The following NCAM2 variants were observed in gnomAD, a reference collection of about 807,000 sequenced individuals.
The protein encoded by NCAM2 is neural cell adhesion molecule 2.
In NCAM2, 30 loss-of-function variants were observed where a neutral mutation model predicts 98.1. That is an observed-to-expected ratio of 0.31 (90% CI 0.23 to 0.41). The LOEUF (loss-of-function observed/expected upper bound fraction) is 0.41, where lower values mean the gene tolerates loss of function less well. Among genes scored for constraint, NCAM2 ranks in the 10% least tolerant of loss-of-function variants. The probability of loss-of-function intolerance (pLI) is 1.00; values close to 1 mark genes in which losing one functional copy is unlikely to be tolerated. For missense variants in NCAM2, 867 were observed against 1,005.8 expected, an observed-to-expected ratio of 0.86 and a Z score of 1.87; for synonymous variants, 368 against 342.4, an observed-to-expected ratio of 1.07 and a Z score of -0.83.
chr21:21,064,000 T>G (rs1188676731), intron 1 of NCAM2, among the ~76,000 whole-genome samples: 2 of 152,160 alleles, frequency 1.3e-5, no homozygotes, highest in African/African-American at 4.8e-5. Context: ...AGGAAGTGGC[T>G]TGTTGTCTTA....
At chr21:21,227,296 C>T (rs1262243013) in intron 1 of NCAM2, among the ~76,000 whole-genome samples, 1 of 151,756 alleles carries the variant, frequency 6.6e-6, no homozygotes, top group Non-Finnish European at 1.5e-5. Context: ...TCACCTAGAT[C>T]ACTGAATCCA....
At chr21:21,031,409 G>A (rs2064679117) in intron 1 of NCAM2, among the ~76,000 whole-genome samples, 1 of 152,146 alleles carries the variant, frequency 6.6e-6, no homozygotes, top group Admixed American at 6.5e-5. Flanking sequence ...CTGCTACTTG[G>A]TTCACTGGAC....
At chr21:21,366,362 A>G (rs1224130897) in intron 8 of NCAM2, among the ~76,000 whole-genome samples, 2 of 152,088 alleles carry the variant, frequency 1.3e-5, no homozygotes, top group Non-Finnish European at 2.9e-5. Context: ...TATACTGCTT[A>G]GGCACTGGGT....
intron 5 of NCAM2, among the ~76,000 whole-genome samples, chr21:21,316,206 T>C (rs2074215312): frequency 2.6e-5 from 4 of 152,158 alleles, no homozygotes; most frequent in Non-Finnish European, 5.9e-5. Context: ...TTCCAATTAT[T>C]TCTTTCTGGC....
At chr21:21,425,886 C>G (rs2077204964) in intron 11 of NCAM2, among the ~76,000 whole-genome samples, 1 of 152,062 alleles carries the variant, frequency 6.6e-6, no homozygotes, top group Non-Finnish European at 1.5e-5. Flanking sequence ...GATGCTATAG[C>G]AAAATATATT....
At chr21:21,446,740 A>G (rs903847272) in intron 12 of NCAM2, among the ~76,000 whole-genome samples, 5 of 152,084 alleles carry the variant, frequency 3.3e-5, no homozygotes, top group Admixed American at 3.3e-4. Context: ...AGTCACATAT[A>G]TTCCTTTACA....
At chr21:21,229,410 A>G (rs913362773) in intron 1 of NCAM2, among the ~76,000 whole-genome samples, 2 of 151,540 alleles carry the variant, frequency 1.3e-5, no homozygotes, top group African/African-American at 4.8e-5. Context: ...ATGTCACTTT[A>G]ACAACTTATA....
At chr21:21,359,872 G>C (rs1360988281) in intron 8 of NCAM2, among the ~76,000 whole-genome samples, 1 of 151,848 alleles carries the variant, frequency 6.6e-6, no homozygotes, top group Non-Finnish European at 1.5e-5. Flanking sequence ...AATGTAATTT[G>C]AGTTAGGTAT....
At chr21:21,087,779 C>T (rs1392765239) in intron 1 of NCAM2, among the ~76,000 whole-genome samples, 1 of 152,052 alleles carries the variant, frequency 6.6e-6, no homozygotes, top group East Asian at 1.9e-4. Context: ...TCAGACCAGT[C>T]TTCTGTTTGG....
Position 21,390,210 on chromosome 21 carries a change from G to A in NCAM2, c.1195+16197G>A, listed in dbSNP as rs529934023. On this transcript the variant is annotated intron_variant, in intron 9 of 17. Transcript: ENST00000400546. ...TATACCACTGTAAATATATTGGCTT[G>A]CATTATGTTATTACAATTAATTTGA... Among the ~76,000 whole-genome samples, 278 of 152,088 alleles carry A rather than the reference G, an allele frequency of 1.8e-3. 2 individuals are homozygous for A. The highest frequency in any genetic ancestry group is 6.5e-3 in the African/African-American group (271 of 41,484).
At chr21:21,330,746 A>T (rs4818613) in intron 6 of NCAM2, among the ~76,000 whole-genome samples, 86,104 of 151,822 alleles carry the variant, frequency 0.57, 24,638 homozygotes, top group Admixed American at 0.65. Context: ...TTAAACATTT[A>T]TTCACGTAGA....
intron 1 of NCAM2, among the ~76,000 whole-genome samples, chr21:21,120,686 TA>T (rs967734430): frequency 1.3e-5 from 2 of 150,880 alleles, no homozygotes; most frequent in Admixed American, 6.6e-5. Flanking sequence ...AATTAAAGTT[TA>T]AAAAAATTGA....
At chr21:21,308,988 C>T (rs1438666031) in intron 5 of NCAM2, among the ~76,000 whole-genome samples, 1 of 152,002 alleles carries the variant, frequency 6.6e-6, no homozygotes, top group Non-Finnish European at 1.5e-5. Flanking sequence ...TATGTAGACA[C>T]ATGATTTTTA....
chr21:21,181,170 A>G (rs2068455678), intron 1 of NCAM2, among the ~76,000 whole-genome samples: 1 of 152,062 alleles, frequency 6.6e-6, no homozygotes, highest in Non-Finnish European at 1.5e-5. Flanking sequence ...ATATTTTTCC[A>G]TTGTCTTGAG....
intron 12 of NCAM2, among the ~76,000 whole-genome samples, chr21:21,452,159 G>A (rs1265132438): frequency 7.7e-6 from 1 of 129,318 alleles, no homozygotes; most frequent in African/African-American, 3.0e-5. Flanking sequence ...ATTTATAAAT[G>A]TGAACTGACC....
intron 16 of NCAM2, among the ~76,000 whole-genome samples, chr21:21,526,846 G>A (rs1271804142): frequency 1.3e-5 from 2 of 152,020 alleles, no homozygotes; most frequent in East Asian, 3.9e-4. Flanking sequence ...AAACTGACAT[G>A]TCACACATAG....
In NCAM2 at chr21:21,432,268, C is replaced by T; in HGVS notation, c.1641C>T (p.Ser547=). 6.2e-7 allele frequency: 1 copy of T among 1,613,536 alleles called. No homozygotes were observed. Among genetic ancestry groups the T allele is most frequent in the Non-Finnish European group, 8.5e-7 (1 of 1,179,652 alleles). ...CAGAAATCTGGAAAATTGTACGCTC[C>T]CATGGAGTTCAAAGTGAGTCAACAA... ...VASEIWKIVR[S]HGVQTMVVLN... is the part of the protein sequence containing the mutation. The change falls in exon 12 of 18, where the codon TCC becomes TCT. Residue 547 remains serine (S), a synonymous_variant. Transcript: ENST00000400546.
chr21:21,423,204 G>T (rs961709685), intron 11 of NCAM2, among the ~76,000 whole-genome samples: 2 of 152,038 alleles, frequency 1.3e-5, no homozygotes, highest in African/African-American at 2.4e-5. Context: ...CAATTTTATG[G>T]GAGGGACTTG....
intron 16 of NCAM2, among the ~76,000 whole-genome samples, chr21:21,530,280 T>A (rs5021237): frequency 2.3e-4 from 29 of 124,028 alleles, no homozygotes; most frequent in South Asian, 8.3e-4. Context: ...ATATATAATT[T>A]AATTTAATTA....
Sources: gnomAD v4.1 joint callset for allele counts (sites outside exome capture counted in the v4.1 genomes callset) on GRCh38, gnomAD v4.1.1 for gene constraint, MANE v1.5 for transcripts, NCBI Gene and HGNC (gene_info 2026-07-23, HGNC 2026-07-21) for gene names.